ARHGEF11: variants seen among roughly 807,000 people sequenced by gnomAD.
ARHGEF11 encodes the protein Rho guanine nucleotide exchange factor 11, also known as Rho guanine exchange factor (GEF) 11.
Under a neutral mutation model 193.7 loss-of-function variants are expected in ARHGEF11, and 55 were observed. The ratio of observed to expected loss-of-function variants is 0.28; its 90% CI spans 0.23 to 0.36. The LOEUF is 0.36. Among genes scored for constraint, ARHGEF11 ranks in the 10% least tolerant of loss-of-function variants. The pLI is 1.00. For synonymous variants in ARHGEF11, 693 were observed against 768.0 expected (o/e 0.90, Z 1.62); for missense variants, 1,723 against 2,005.6 (o/e 0.86, Z 2.69).
intron 3 of ARHGEF11, among the ~76,000 whole-genome samples, chr1:156,983,365 G>C (rs1283404565): frequency 2.0e-5 from 3 of 152,156 alleles, no homozygotes; most frequent in Non-Finnish European, 4.4e-5. Context: ...GGGACTACAG[G>C]CGCCTGCCAC....
chr1:157,034,652 G>A (rs1476176710), intron 1 of ARHGEF11, among the ~76,000 whole-genome samples: 1 of 152,160 alleles, frequency 6.6e-6, no homozygotes, highest in Non-Finnish European at 1.5e-5. Flanking sequence ...GGAGTATACC[G>A]TGTCTAAAGA....
Position 156,978,377 on chromosome 1 carries a change from C to A in ARHGEF11, c.337G>T (p.Ala113Ser). 1 of 1,595,838 alleles carries A rather than the reference C, an allele frequency of 6.3e-7. No individual in the cohort carries two copies. ...LEVVKLIKSG[A>S]YVALTLLGSS... ...CCCAGGAGGGTGAGTGCGACATAGG[C>A]GCCAGCTAGAGGGAAACAGAGAGAG... The change falls in exon 6 of 41, where the codon GCC (alanine) becomes TCC (serine). Residue 113 changes from alanine (A) to serine (S), a missense_variant. Ala to Ser is a moderately conservative substitution (Grantham distance 99). Around this residue, in one of 5 missense-constraint regions of ARHGEF11, gnomAD observed 646 missense variants for 710.7 expected, o/e 0.91. Coordinates refer to ENST00000368194, the MANE Select transcript of ARHGEF11 (RefSeq NM_198236.3).
At chr1:156,942,896 G>A in intron 32 of ARHGEF11, 116 bp from the exon 33 acceptor site, 1 of 790,494 alleles carries the variant, frequency 1.3e-6, no homozygotes, top group Non-Finnish European at 2.1e-6. Flanking sequence ...CAGATGGAGA[G>A]TGCAGCACGA....
intron 1 of ARHGEF11, among the ~76,000 whole-genome samples, chr1:157,012,427 T>C (rs1437548881): frequency 6.6e-6 from 1 of 152,248 alleles, no homozygotes; most frequent in African/African-American, 2.4e-5. Context: ...ACTGTGACTA[T>C]ACTAAAAATC....
At position 156,940,628 on chromosome 1, in the gene ARHGEF11, CT is replaced by C. The variant is rs367728190; in HGVS notation, c.3515-204del. ...CAAAAAGATCCCTGCCTATGTTGAG[CT>C]TACATTCTAGGGGAGGGACATACAA... On this transcript the variant is annotated intron_variant, in intron 35 of 40. Coordinates refer to ENST00000368194, the MANE Select transcript of ARHGEF11 (RefSeq NM_198236.3). Among the ~76,000 whole-genome samples the C allele has an allele frequency of 5.9e-3, 894 of 152,270 alleles. 4 individuals are homozygous for C. Among genetic ancestry groups the C allele is most frequent in the Non-Finnish European group, 0.01 (714 of 68,026 alleles).
intron 38 of ARHGEF11, among the ~76,000 whole-genome samples, chr1:156,938,107 T>A (rs1381431254): frequency 6.6e-6 from 1 of 152,130 alleles, no homozygotes; most frequent in African/African-American, 2.4e-5. Flanking sequence ...GCTGCTTGCA[T>A]ATCAGGTGAA....
intron 1 of ARHGEF11, among the ~76,000 whole-genome samples, chr1:157,038,029 C>CA (rs145416871): frequency 0.61 from 27,653 of 45,442 alleles, 9,902 homozygotes; most frequent in Non-Finnish European, 0.73. Flanking sequence ...AAGACTGTCT[C>CA]AAAAAAAAAA....
At chr1:157,040,280 G>A (rs1040119536) in intron 1 of ARHGEF11, among the ~76,000 whole-genome samples, 6 of 152,188 alleles carry the variant, frequency 3.9e-5, no homozygotes, top group South Asian at 2.1e-4. Flanking sequence ...TCCATTCTGG[G>A]AGGCCAACCT....
intron 29 of ARHGEF11, 97 bp downstream of exon 29, chr1:156,945,942 GACCACA>G (rs2101910330): frequency 2.3e-6 from 2 of 874,528 alleles, no homozygotes; most frequent in Non-Finnish European, 3.6e-6. Flanking sequence ...AGACACCAAA[GACCACA>G]AGGCACAGTG....
At chr1:156,992,602 TA>T (rs560766681) in intron 1 of ARHGEF11, among the ~76,000 whole-genome samples, 22 of 122,188 alleles carry the variant, frequency 1.8e-4, no homozygotes, top group African/African-American at 7.1e-4. Flanking sequence ...TGTGTATATA[TA>T]TGTGTGTGTG....
Position 156,944,419 on chromosome 1 carries a change from T to C in ARHGEF11, c.3006A>G (p.Thr1002=). 1.9e-6 allele frequency: 3 copies of C among 1,613,508 alleles called. No individual in the cohort carries two copies. Among genetic ancestry groups the C allele is most frequent in the Non-Finnish European group, 2.5e-6 (3 of 1,179,966 alleles). The change falls in exon 31 of 41, where the codon ACA becomes ACG. Residue 1002 remains threonine, a synonymous_variant. Coordinates refer to ENST00000368194, the MANE Select transcript of ARHGEF11 (RefSeq NM_198236.3). The part of the protein sequence containing the change: ...LAAEFKSLDL[T]TRKMIHEGPL... ...GTCCCTCATGGATCATTTTTCTGGT[T>C]GTAAGATCCAGGCTCTGTTAAGGAG...
chr1:156,963,899 AG>A (rs1225149896), intron 11 of ARHGEF11: 2 of 560,498 alleles, frequency 3.6e-6, no homozygotes, highest in East Asian at 1.1e-4. Flanking sequence ...TGGGACTGTC[AG>A]TCAACAAAAT....
chr1:156,937,357 G>A lies in ARHGEF11; in HGVS notation c.4332C>T (p.Asn1444=), dbSNP rs745439979. 7 of 1,612,338 alleles carry A rather than the reference G, an allele frequency of 4.3e-6. No individual in the cohort carries two copies. The South Asian group carries it at 6.6e-5, about 15-fold the overall frequency. ...TEPQPQLQGG[N]DDPRRPSRSP... ...AGCGGCTGGGGCGTCTTGGATCATCGTTGCCTCCCTGCAGCTGAGGCTGAG... is the reference window on the plus strand; with the variant it reads ...AGCGGCTGGGGCGTCTTGGATCATCATTGCCTCCCTGCAGCTGAGGCTGAG... Residue 1444 remains asparagine (N), a synonymous_variant, in exon 39 of 41, where the codon AAC becomes AAT. Transcript: ENST00000368194.
chr1:156,956,533 T>C lies in ARHGEF11; in HGVS notation c.1558A>G (p.Met520Val), dbSNP rs766422545. ...CGAAGACGGATCCCAGCATGGCTCA[T>C]GTAGGTATTGAGGGCGAAGTCCATG... ...APMDFALNTYMSHAGIRLREA... is the reference protein window; with the variant it reads ...APMDFALNTYVSHAGIRLREA... Residue 520 changes from methionine (M) to valine (V), a missense_variant, in exon 19 of 41, where the codon ATG becomes GTG. Physicochemically the swap from Met to Val is conservative, Grantham distance 21 (BLOSUM62 1). Coordinates refer to ENST00000368194, the MANE Select transcript of ARHGEF11 (RefSeq NM_198236.3). The C allele has an allele frequency of 2.5e-5, 41 of 1,613,912 alleles. No individual in the cohort carries two copies. Among genetic ancestry groups the C allele is most frequent in the Non-Finnish European group, 3.4e-5 (40 of 1,179,976 alleles).
intron 22 of ARHGEF11, chr1:156,949,238 C>G (rs2101966675): frequency 2.6e-6 from 1 of 377,604 alleles, no homozygotes; most frequent in African/African-American, 2.2e-5. Flanking sequence ...TACTGAGTGT[C>G]TCTGGGGTTT....
intron 1 of ARHGEF11, among the ~76,000 whole-genome samples, chr1:157,023,712 G>T (rs1670277313): frequency 6.7e-6 from 1 of 150,046 alleles, no homozygotes; most frequent in South Asian, 2.1e-4. Context: ...GTTGCAGTGA[G>T]CCAAGATTGT....
chr1:157,015,652 C>T (rs915898979), intron 1 of ARHGEF11, among the ~76,000 whole-genome samples: 3 of 152,172 alleles, frequency 2.0e-5, no homozygotes, highest in African/African-American at 7.2e-5. Context: ...CTCAGTAATG[C>T]GCAGTGTGTG....
At position 156,948,860 on chromosome 1, in the gene ARHGEF11, C is replaced by T. The variant is rs554697263; in HGVS notation, c.1926-362G>A. ...CTGTCAAGAAGGTGGTAGACATCAT[C>T]GTCCCTCAACAGGGAACACAAGGTC... is the stretch of plus-strand genomic sequence containing the variant. On this transcript the variant is annotated intron_variant, in intron 22 of 40. Coordinates refer to ENST00000368194, the MANE Select transcript of ARHGEF11 (RefSeq NM_198236.3). The surrounding 1 kb of genome is among the most constrained non-coding windows in gnomAD (Gnocchi z 4.2). 7.1e-6 allele frequency: 7 copies of T among 985,396 alleles called. No individual in the cohort carries two copies. The South Asian group carries it at 1.4e-4, about 20-fold the overall frequency. The allele number at this position is 985,396 out of a possible 1,614,324, so 61.0% of individuals were successfully genotyped here.
chr1:156,948,630 A>T lies in ARHGEF11; in HGVS notation c.1926-132T>A. 1 of 1,581,072 alleles carries T rather than the reference A, an allele frequency of 6.3e-7. No homozygotes were observed. The highest frequency in any genetic ancestry group is 8.6e-7 in the Non-Finnish European group (1 of 1,167,198). On this transcript the variant is annotated intron_variant, in intron 22 of 40. Coordinates refer to ENST00000368194, the MANE Select transcript of ARHGEF11 (RefSeq NM_198236.3). This position sits in a 1 kb window ranked among gnomAD's most constrained non-coding sequence, Gnocchi z 4.2. ...ACAGGTTCTCCTCCTGAACATGGCC[A>T]AAGCAGCTGGATGGCAGTGGAAGCT...
Sources: allele counts gnomAD v4.1 joint callset (sites outside exome capture counted in the v4.1 genomes callset), GRCh38; gene constraint gnomAD v4.1.1; regional missense constraint gnomAD v4.1.1; non-coding constraint Gnocchi (gnomAD v3.1); transcripts MANE v1.5; gene names NCBI Gene and HGNC (gene_info 2026-07-23, HGNC 2026-07-21).